CNOT4: variants seen among roughly 807,000 people sequenced by gnomAD.
CNOT4 encodes CCR4-NOT transcription complex subunit 4.
Under a neutral mutation model 73.8 loss-of-function variants are expected in CNOT4, and 8 were observed. That is an observed-to-expected ratio of 0.11 (90% CI 0.06 to 0.20). CNOT4 has a LOEUF of 0.20. Among genes scored for constraint, CNOT4 ranks in the 10% least tolerant of loss-of-function variants. CNOT4 has a pLI of 1.00. For missense variants in CNOT4, 564 were observed against 883.4 expected (o/e 0.64, Z 4.58); for synonymous variants, 293 against 321.1 (o/e 0.91, Z 0.94).
chr7:135,495,698 GAA>G (rs1803496166), intron 1 of CNOT4, among the ~76,000 whole-genome samples: 3 of 16,944 alleles, frequency 1.8e-4, no homozygotes, highest in Non-Finnish European at 2.6e-4. Context: ...AAAAAAGAAA[GAA>G]AGAAAGAAAG....
intron 10 of CNOT4, chr7:135,388,371 AAT>A: frequency 1.0e-6 from 1 of 984,812 alleles, no homozygotes; most frequent in Middle Eastern, 5.2e-4. Context: ...CAAAGAATGC[AAT>A]AGACATTATC....
chr7:135,430,126 A>C (rs769857363), intron 2 of CNOT4, among the ~76,000 whole-genome samples: 3 of 152,084 alleles, frequency 2.0e-5, no homozygotes, highest in Non-Finnish European at 4.4e-5. Context: ...TGACACGCAA[A>C]CTCTTTCAGA....
intron 1 of CNOT4, among the ~76,000 whole-genome samples, chr7:135,492,505 G>C (rs1157415415): frequency 2.0e-5 from 3 of 152,186 alleles, no homozygotes; most frequent in South Asian, 2.1e-4. Context: ...AGAATCAGTG[G>C]ACTGACAGTT....
intron 7 of CNOT4, among the ~76,000 whole-genome samples, chr7:135,407,596 G>T: frequency 6.6e-6 from 1 of 152,210 alleles, no homozygotes; most frequent in Admixed American, 6.5e-5. Context: ...GAAAGAGGTG[G>T]TAGGAGATCC....
intron 7 of CNOT4, among the ~76,000 whole-genome samples, chr7:135,398,696 G>A (rs1796838178): frequency 6.6e-6 from 1 of 151,934 alleles, no homozygotes; most frequent in African/African-American, 2.4e-5. Flanking sequence ...AAAATAATGG[G>A]TAAAATAATA....
chr7:135,374,713 G>A (rs1227926239), intron 10 of CNOT4, among the ~76,000 whole-genome samples: 1 of 152,088 alleles, frequency 6.6e-6, no homozygotes, highest in Non-Finnish European at 1.5e-5. Flanking sequence ...TAATCACATA[G>A]TTCTTTCATA....
chr7:135,410,460 G>C (rs958038746), intron 7 of CNOT4, 55 bp downstream of exon 7: 2 of 1,172,710 alleles, frequency 1.7e-6, no homozygotes, highest in African/African-American at 1.6e-5. Flanking sequence ...AAAATGAAAA[G>C]AGAAGATCAA....
intron 3 of CNOT4, among the ~76,000 whole-genome samples, chr7:135,418,699 G>GT (rs1798007309): frequency 6.6e-6 from 1 of 152,034 alleles, no homozygotes; most frequent in Non-Finnish European, 1.5e-5. Flanking sequence ...TAAAGTCATA[G>GT]CTCATCAAAC....
rs895277117 is a variant in CNOT4 at position 135,489,614 on chromosome 7, T to C, written c.-93+20275A>G. ...TTTCTCCATGTTGGCCAGGCTAGTC[T>C]TGAACTCCTGACCTCGTGTGATCTG... On this transcript the variant is annotated intron_variant, in intron 1 of 11. Transcript: ENST00000541284. Among the ~76,000 whole-genome samples, 175 of 152,136 alleles carry C rather than the reference T, an allele frequency of 1.2e-3. 2 individuals are homozygous for C. The highest frequency in any genetic ancestry group is 1.3e-3 in the Non-Finnish European group (90 of 68,002).
chr7:135,442,536 T>C (rs1243537224), intron 1 of CNOT4, among the ~76,000 whole-genome samples: 2 of 152,062 alleles, frequency 1.3e-5, no homozygotes, highest in African/African-American at 4.8e-5. Context: ...GAGGCGGAGG[T>C]TGCAGTGAGC....
intron 2 of CNOT4, among the ~76,000 whole-genome samples, chr7:135,423,425 A>G (rs1452101902): frequency 2.0e-5 from 3 of 151,696 alleles, no homozygotes; most frequent in East Asian, 1.9e-4. Flanking sequence ...AAATTTTGCT[A>G]TGACTTTAAA....
intron 3 of CNOT4, among the ~76,000 whole-genome samples, chr7:135,415,982 A>G (rs369091188): frequency 6.6e-6 from 1 of 151,984 alleles, no homozygotes; most frequent in East Asian, 1.9e-4. Context: ...CTTTGTGAAC[A>G]CTATATGCAT....
At chr7:135,418,553 T>C (rs1417202705) in intron 3 of CNOT4, among the ~76,000 whole-genome samples, 1 of 152,148 alleles carries the variant, frequency 6.6e-6, no homozygotes, top group Non-Finnish European at 1.5e-5. Flanking sequence ...AATGAGTGAA[T>C]AAATGAATGG....
intron 10 of CNOT4, chr7:135,384,165 A>G (rs1326503636): frequency 6.6e-6 from 1 of 152,432 alleles, no homozygotes; most frequent in Non-Finnish European, 1.5e-5. Context: ...CCCATTTTCA[A>G]ACAATAATGC....
chr7:135,509,004 G>C (rs1223279752), intron 1 of CNOT4: 1 of 152,176 alleles, frequency 6.6e-6, no homozygotes, highest in Non-Finnish European at 1.5e-5. Flanking sequence ...AAAGCAAAAC[G>C]AAAACGGTCC....
chr7:135,490,478 A>G (rs1212473052), intron 1 of CNOT4, among the ~76,000 whole-genome samples: 1 of 152,344 alleles, frequency 6.6e-6, no homozygotes, highest in East Asian at 1.9e-4. Flanking sequence ...ACGATGATCC[A>G]GTATTCCATT....
At position 135,432,990 on chromosome 7, in the gene CNOT4, G is replaced by C. The variant is rs1427252765; in HGVS notation, c.174+5168C>G. 2.6e-5 allele frequency among the ~76,000 whole-genome samples: 4 copies of C among 152,136 alleles called. 1 individual carries two copies. Among genetic ancestry groups the C allele is most frequent in the Admixed American group, 2.6e-4 (4 of 15,268 alleles). ...TATTCTGGTATTTCCAAATAAAAAAGTTTGTGCTGGACACTTGATAGGCCC... is the reference window on the plus strand; with the variant it reads ...TATTCTGGTATTTCCAAATAAAAAACTTTGTGCTGGACACTTGATAGGCCC... On this transcript the variant is annotated intron_variant, in intron 2 of 11. Transcript: ENST00000541284.
chr7:135,483,769 C>G (rs1802540858), intron 1 of CNOT4, among the ~76,000 whole-genome samples: 1 of 152,106 alleles, frequency 6.6e-6, no homozygotes, highest in African/African-American at 2.4e-5. Context: ...TATGCCGAAA[C>G]TGCACCATTG....
intron 1 of CNOT4, among the ~76,000 whole-genome samples, chr7:135,482,698 AG>A (rs1240024956): frequency 6.6e-6 from 1 of 151,494 alleles, no homozygotes; most frequent in African/African-American, 2.4e-5. Flanking sequence ...AGTAGATGAA[AG>A]GCCGAGCACA....
Sources: gnomAD v4.1 joint callset for allele counts (sites outside exome capture counted in the v4.1 genomes callset) on GRCh38, gnomAD v4.1.1 for gene constraint, MANE v1.5 for transcripts, NCBI Gene and HGNC (gene_info 2026-07-23, HGNC 2026-07-21) for gene names.